The following WDR49 variants were observed in gnomAD, a reference collection of about 807,000 sequenced individuals.
The protein encoded by WDR49 is WD repeat domain 49, also known as cilia- and flagella-associated protein 337.
In WDR49, 107 loss-of-function variants were observed where a neutral mutation model predicts 119.5. The observed-to-expected ratio is 0.90, with a 90% CI of 0.77 to 1.05. The LOEUF (loss-of-function observed/expected upper bound fraction) is 1.05. Among genes scored for constraint, WDR49 ranks in the 50% least tolerant of loss-of-function variants. The pLI, the probability that WDR49 is intolerant of heterozygous loss-of-function variation, is 0.00. For synonymous variants in WDR49, 425 were observed against 418.8 expected (o/e 1.01, Z -0.18); for missense variants, 1,240 against 1,220.5 (o/e 1.02, Z -0.24).
intron 16 of WDR49, among the ~76,000 whole-genome samples, chr3:167,506,567 T>G (rs900040338): frequency 2.6e-5 from 4 of 152,210 alleles, no homozygotes; most frequent in African/African-American, 9.6e-5. Flanking sequence ...ATATAAACTT[T>G]TCCTTTTAGA....
intron 18 of WDR49, among the ~76,000 whole-genome samples, chr3:167,495,625 T>C (rs569082791): frequency 6.6e-6 from 1 of 151,876 alleles, no homozygotes; most frequent in South Asian, 2.1e-4. Flanking sequence ...GAATAAAACA[T>C]AATTTGAAAA....
chr3:167,530,753 C>A (rs1752821509), intron 13 of WDR49, among the ~76,000 whole-genome samples: 1 of 152,084 alleles, frequency 6.6e-6, no homozygotes, highest in South Asian at 2.1e-4. Context: ...TATATGTGGA[C>A]TTAAGCTTTG....
At chr3:167,567,653 A>G (rs996220610) in intron 8 of WDR49, among the ~76,000 whole-genome samples, 2 of 152,166 alleles carry the variant, frequency 1.3e-5, no homozygotes, top group Non-Finnish European at 2.9e-5. Context: ...TACCAGTACC[A>G]TGTGTAATGA....
chr3:167,611,894 G>A (rs980429286), intron 5 of WDR49, among the ~76,000 whole-genome samples: 10 of 152,064 alleles, frequency 6.6e-5, no homozygotes, highest in Admixed American at 2.0e-4. Context: ...AATACCTGGC[G>A]ACCTCAACAC....
At chr3:167,509,648 T>A (rs530601850) in intron 16 of WDR49, among the ~76,000 whole-genome samples, 1 of 152,180 alleles carries the variant, frequency 6.6e-6, no homozygotes, top group Admixed American at 6.5e-5. Flanking sequence ...TTTAGCAAGA[T>A]GACCCAAAGG....
At chr3:167,647,573 A>G (rs1008691664) in intron 2 of WDR49, among the ~76,000 whole-genome samples, 3 of 152,156 alleles carry the variant, frequency 2.0e-5, no homozygotes, top group Non-Finnish European at 4.4e-5. Context: ...AATTGTGCCA[A>G]CTGCAGTAGT....
chr3:167,640,880 GC>G (rs1717850819), intron 2 of WDR49, among the ~76,000 whole-genome samples: 1 of 151,618 alleles, frequency 6.6e-6, no homozygotes, highest in Non-Finnish European at 1.5e-5. Context: ...AACCCCACAG[GC>G]AATATGGCTA....
intron 8 of WDR49, chr3:167,566,813 A>G (rs1713629937): frequency 1.6e-6 from 1 of 625,688 alleles, no homozygotes; most frequent in Admixed American, 2.5e-5. Flanking sequence ...ATTATAAGAA[A>G]GAGAAAATAT....
intron 5 of WDR49, 77 bp from the exon 6 acceptor site, chr3:167,604,545 A>G (rs1715947787): frequency 1.5e-6 from 2 of 1,370,422 alleles, no homozygotes; most frequent in Non-Finnish European, 1.9e-6. Context: ...AGCTGTTTTA[A>G]TATGGAAAGT....
At chr3:167,499,624 T>C (rs1751483188) in intron 18 of WDR49, among the ~76,000 whole-genome samples, 2 of 152,350 alleles carry the variant, frequency 1.3e-5, no homozygotes, top group African/African-American at 4.8e-5. Flanking sequence ...AATTATTTTG[T>C]ACATCTTGTT....
Position 167,620,422 on chromosome 3 carries a change from T to G in WDR49, c.958+7A>C. On this transcript the variant is annotated splice_region_variant and intron_variant, in intron 5 of 18. Coordinates refer to ENST00000682715, the MANE Select transcript of WDR49 (RefSeq NM_001366157.1). ...CATTTACTTTCATTACTGTTCAAAT[T>G]CAATACCTTGCCTGACCCAATCTCC... The G allele has an allele frequency of 6.5e-7, 1 of 1,533,858 alleles. No homozygotes were observed. The highest frequency in any genetic ancestry group is 8.7e-7 in the Non-Finnish European group (1 of 1,145,454).
chr3:167,564,742 A>G (rs1560288222), intron 8 of WDR49, among the ~76,000 whole-genome samples: 1 of 152,178 alleles, frequency 6.6e-6, no homozygotes, highest in Admixed American at 6.5e-5. Flanking sequence ...CTGTTTAGGA[A>G]TATGTGTCTC....
intron 2 of WDR49, among the ~76,000 whole-genome samples, chr3:167,641,542 A>G (rs1217242058): frequency 6.6e-6 from 1 of 151,918 alleles, no homozygotes; most frequent in Non-Finnish European, 1.5e-5. Flanking sequence ...AGAATGCCCA[A>G]AGAAATATCT....
intron 10 of WDR49, among the ~76,000 whole-genome samples, chr3:167,549,091 A>ATG: frequency 6.6e-6 from 1 of 152,286 alleles, no homozygotes; most frequent in South Asian, 2.1e-4. Flanking sequence ...CCAGTCTATC[A>ATG]TTGATGGACA....
chr3:167,512,416 C>T (rs1041102265), intron 16 of WDR49, among the ~76,000 whole-genome samples: 34 of 151,526 alleles, frequency 2.2e-4, no homozygotes, highest in African/African-American at 8.0e-4. Context: ...CAGAAAGCAA[C>T]AACATCAACA....
intron 13 of WDR49, among the ~76,000 whole-genome samples, chr3:167,530,554 G>T (rs567194488): frequency 2.2e-4 from 34 of 151,498 alleles, no homozygotes; most frequent in African/African-American, 8.2e-4. Context: ...CTCTGGAGAA[G>T]ATATAACCAA....
intron 8 of WDR49, among the ~76,000 whole-genome samples, chr3:167,567,320 TG>T (rs1462428821): frequency 1.3e-5 from 2 of 152,192 alleles, no homozygotes; most frequent in Non-Finnish European, 2.9e-5. Flanking sequence ...TTCATTCCTC[TG>T]ATTTAGTGTT....
At chr3:167,605,012 T>TTGTGTG (rs370361855) in intron 5 of WDR49, among the ~76,000 whole-genome samples, 32 of 143,464 alleles carry the variant, frequency 2.2e-4, no homozygotes, top group East Asian at 6.1e-4. Context: ...TTAATTTGCT[T>TTGTGTG]TGTGTGTGTG....
At chr3:167,526,261 A>G (rs920985893) in intron 15 of WDR49, among the ~76,000 whole-genome samples, 1 of 152,164 alleles carries the variant, frequency 6.6e-6, no homozygotes, top group Non-Finnish European at 1.5e-5. Context: ...ACAAGCACAC[A>G]TTTCTGAATT....
Sources: gnomAD v4.1 joint callset for allele counts (sites outside exome capture counted in the v4.1 genomes callset) on GRCh38, gnomAD v4.1.1 for gene constraint, MANE v1.5 for transcripts, NCBI Gene and HGNC (gene_info 2026-07-23, HGNC 2026-07-21) for gene names.